Variants in RPS6KA5 observed in about 807,000 individuals in gnomAD.
The protein encoded by RPS6KA5 is ribosomal protein S6 kinase A5.
A neutral mutation model predicts 85.5 loss-of-function variants in RPS6KA5; 27 were observed. That is an observed-to-expected ratio of 0.32 (90% CI 0.23 to 0.44). RPS6KA5 has a LOEUF of 0.44. Among genes scored for constraint, RPS6KA5 ranks in the 20% least tolerant of loss-of-function variants. RPS6KA5 has a pLI of 1.00. For synonymous variants in RPS6KA5, 334 were observed against 348.2 expected (o/e 0.96, Z 0.46); for missense variants, 811 against 980.9 (o/e 0.83, Z 2.31).
At chr14:91,040,623 A>G (rs2042570816) in intron 1 of RPS6KA5, among the ~76,000 whole-genome samples, 1 of 152,114 alleles carries the variant, frequency 6.6e-6, no homozygotes, top group Non-Finnish European at 1.5e-5. Flanking sequence ...TCAAGCAATG[A>G]TAACATTTGC....
chr14:90,890,386 C>G, intron 14 of RPS6KA5, 101 bp downstream of exon 14: 1 of 1,053,742 alleles, frequency 9.5e-7, no homozygotes, highest in East Asian at 2.7e-5. Flanking sequence ...AACCACTTTG[C>G]CAATTTTTTC....
At chr14:91,029,101 T>C (rs572104220) in intron 1 of RPS6KA5, among the ~76,000 whole-genome samples, 1 of 152,192 alleles carries the variant, frequency 6.6e-6, no homozygotes. Context: ...AACATAAACA[T>C]TAAAAAATTC....
At chr14:90,963,421 G>T (rs1201695222) in intron 3 of RPS6KA5, among the ~76,000 whole-genome samples, 1 of 152,098 alleles carries the variant, frequency 6.6e-6, no homozygotes, top group Non-Finnish European at 1.5e-5. Context: ...TTTAGGGAGA[G>T]GAATTGAGAC....
intron 2 of RPS6KA5, among the ~76,000 whole-genome samples, chr14:90,991,530 T>C (rs1050505528): frequency 1.3e-5 from 2 of 151,818 alleles, no homozygotes; most frequent in Admixed American, 1.3e-4. Flanking sequence ...GGTGAAACCC[T>C]GTCTCTACTA....
chr14:90,934,465 C>A (rs558712383), intron 5 of RPS6KA5, among the ~76,000 whole-genome samples: 2 of 152,226 alleles, frequency 1.3e-5, no homozygotes, highest in East Asian at 1.9e-4. Flanking sequence ...AGTTCTGAAT[C>A]ATTTTCCTTT....
rs1205361745 is a variant in RPS6KA5, at chr14:90,855,078, C to T, written c.*16996G>A. ...AAGTTTCAAGTGATATCTCCATCAGCGAATAAAAAGATGTATAAGTTCACT... is the reference window on the plus strand; with the variant it reads ...AAGTTTCAAGTGATATCTCCATCAGTGAATAAAAAGATGTATAAGTTCACT... On this transcript the variant is annotated 3_prime_UTR_variant, in exon 17 of 17. Transcript: ENST00000614987. The T allele has an allele frequency of 2.0e-5, 3 of 151,856 alleles. No homozygotes were observed. Among genetic ancestry groups the T allele is most frequent in the Non-Finnish European group, 4.4e-5 (3 of 67,988 alleles). 9.4% of individuals were successfully genotyped at this position (151,856 alleles called of 1,614,324 possible).
chr14:91,036,421 T>C (rs2042412917), intron 1 of RPS6KA5, among the ~76,000 whole-genome samples: 2 of 152,190 alleles, frequency 1.3e-5, no homozygotes, highest in South Asian at 4.1e-4. Flanking sequence ...CCTTTATTTG[T>C]AACAGGATGG....
chr14:90,997,327 C>T (rs984051448), intron 2 of RPS6KA5, among the ~76,000 whole-genome samples: 1 of 152,094 alleles, frequency 6.6e-6, no homozygotes, highest in African/African-American at 2.4e-5. Flanking sequence ...ATGAAAAAAA[C>T]ATATGTTCAT....
At chr14:91,044,315 GAGAA>G (rs1213100818) in intron 1 of RPS6KA5, among the ~76,000 whole-genome samples, 5 of 126,710 alleles carry the variant, frequency 3.9e-5, no homozygotes, top group Non-Finnish European at 7.0e-5. Flanking sequence ...AAGAGAGAGA[GAGAA>G]AGAGAGAGAG....
intron 3 of RPS6KA5, 149 bp downstream of exon 3, chr14:90,978,157 T>G: frequency 7.4e-5 from 41 of 555,786 alleles, no homozygotes; most frequent in Non-Finnish European, 7.0e-5. Context: ...GAGCAATGCA[T>G]GATATTCCAG....
Position 91,052,833 on chromosome 14 carries a change from CAAAA to C in RPS6KA5, c.103+7495_103+7498del, listed in dbSNP as rs200161761. ...TGGGAACAGAGCGAGACTCCATCTCCAAAAAAAAAAAAAAAAAAAAAGCTCTTTA... is the reference window on the plus strand; with the variant it reads ...TGGGAACAGAGCGAGACTCCATCTCCAAAAAAAAAAAAAAAAAGCTCTTTA... On this transcript the variant is annotated intron_variant, in intron 1 of 16. Coordinates refer to ENST00000614987, the MANE Select transcript of RPS6KA5 (RefSeq NM_004755.4). Among the ~76,000 whole-genome samples, 139 of 120,204 alleles carry C rather than the reference CAAAA, an allele frequency of 1.2e-3. 1 individual carries two copies. Among genetic ancestry groups the C allele is most frequent in the Admixed American group, 3.4e-3 (38 of 11,076 alleles). The allele number at this position is 120,204 out of a possible 152,430, so 78.9% of individuals were successfully genotyped here.
chr14:90,928,162 G>A (rs980522991), intron 5 of RPS6KA5, among the ~76,000 whole-genome samples: 26 of 151,370 alleles, frequency 1.7e-4, no homozygotes, highest in African/African-American at 5.1e-4. Context: ...CAAGTGATTC[G>A]CCCGCCTCAG....
intron 7 of RPS6KA5, among the ~76,000 whole-genome samples, chr14:90,915,936 T>A (rs546190333): frequency 1.2e-4 from 18 of 152,134 alleles, no homozygotes; most frequent in Non-Finnish European, 1.9e-4. Context: ...TAAAAACCAA[T>A]CATTCCAATC....
At chr14:90,938,762 C>T (rs1320875065) in intron 5 of RPS6KA5, among the ~76,000 whole-genome samples, 2 of 152,218 alleles carry the variant, frequency 1.3e-5, no homozygotes, top group Non-Finnish European at 1.5e-5. Flanking sequence ...GGCACCAAGT[C>T]CCTAGACTGC....
chr14:90,947,484 A>C lies in RPS6KA5; in HGVS notation c.461T>G (p.Val154Gly), dbSNP rs1007729748. 1.2e-6 allele frequency: 2 copies of C among 1,612,906 alleles called. No homozygotes were observed. The highest frequency in any genetic ancestry group is 1.3e-5 in the African/African-American group (1 of 74,914). Residue 154 changes from valine (V) to glycine (G), a missense_variant, in exon 4 of 17, where the codon GTG (valine) becomes GGG (glycine). Physicochemically the swap from Val to Gly is moderately radical, Grantham distance 109. Coordinates refer to ENST00000614987, the MANE Select transcript of RPS6KA5 (RefSeq NM_004755.4). ...SQRERFTEHE[V>G]QIYVGEIVLA... is the part of the protein sequence containing the mutation. ...CACAATCTCTCCAACATAAATCTGC[A>C]CCTCATGCTCTGTGAAACGCTCTCT...
chr14:90,957,510 T>G (rs550175019), intron 3 of RPS6KA5, among the ~76,000 whole-genome samples: 12 of 152,312 alleles, frequency 7.9e-5, no homozygotes, highest in African/African-American at 2.9e-4. Context: ...AGGGCTCTCT[T>G]TGCACTTTCT....
intron 14 of RPS6KA5, among the ~76,000 whole-genome samples, chr14:90,876,083 G>A (rs1412850893): frequency 6.6e-6 from 1 of 151,986 alleles, no homozygotes; most frequent in African/African-American, 2.4e-5. Flanking sequence ...TTCTATCACT[G>A]AGGCAGTGAA....
Position 90,850,195 on chromosome 14 carries a change from G to C in RPS6KA5, c.*21879C>G, listed in dbSNP as rs1208623654. 2.0e-5 allele frequency: 3 copies of C among 152,172 alleles called. No homozygotes were observed. The highest frequency in any genetic ancestry group is 2.0e-4 in the Admixed American group (3 of 15,276). 9.4% of individuals were successfully genotyped at this position (152,172 alleles called of 1,614,324 possible). A position where few individuals can be genotyped will look rare whatever the true frequency, so the allele number is the denominator to read the frequency against. Reference sequence around the variant, plus strand: ...CAGCTTCTCCTTCCCCAGAGGTCCTGACATTGCTTACCAGCCATTGACCTG... The same window carrying C: ...CAGCTTCTCCTTCCCCAGAGGTCCTCACATTGCTTACCAGCCATTGACCTG... On this transcript the variant is annotated 3_prime_UTR_variant, in exon 17 of 17. Transcript: ENST00000614987.
intron 1 of RPS6KA5, among the ~76,000 whole-genome samples, chr14:91,027,515 T>TA (rs923836038): frequency 9.9e-5 from 15 of 152,146 alleles, no homozygotes; most frequent in African/African-American, 3.6e-4. Context: ...TCCACAGTCT[T>TA]AAAAAAATTC....
Sources: allele counts gnomAD v4.1 joint callset (sites outside exome capture counted in the v4.1 genomes callset), GRCh38; gene constraint gnomAD v4.1.1; transcripts MANE v1.5; gene names NCBI Gene and HGNC (gene_info 2026-07-23, HGNC 2026-07-21).